Variants in PPM1H observed in about 807,000 individuals in gnomAD.
PPM1H encodes protein phosphatase 1H.
PPM1H carries 27 observed loss-of-function variants against 54.9 expected under a neutral mutation model. The ratio of observed to expected loss-of-function variants is 0.49; its 90% CI spans 0.36 to 0.68. The LOEUF is 0.68. Ranked by LOEUF, PPM1H falls within the 30% of genes least tolerant of loss-of-function variation. The pLI, the probability that PPM1H is intolerant of heterozygous loss-of-function variation, is 0.00. For missense variants in PPM1H, 596 were observed against 667.8 expected, an observed-to-expected ratio of 0.89 and a Z score of 1.19; for synonymous variants, 305 against 270.8, an observed-to-expected ratio of 1.13 and a Z score of -1.24.
At chr12:62,867,193 T>C (rs957873822) in intron 1 of PPM1H, among the ~76,000 whole-genome samples, 1 of 152,162 alleles carries the variant, frequency 6.6e-6, no homozygotes, top group South Asian at 2.1e-4. Flanking sequence ...AGCATTAAAT[T>C]TGGCTGACAC....
At chr12:62,846,089 C>T (rs1466320806) in intron 1 of PPM1H, among the ~76,000 whole-genome samples, 2 of 152,190 alleles carry the variant, frequency 1.3e-5, no homozygotes, top group Non-Finnish European at 2.9e-5. Flanking sequence ...CCTGTCGTCT[C>T]TTCTTAGTAA....
chr12:62,839,883 A>AC (rs1565805554), intron 1 of PPM1H, among the ~76,000 whole-genome samples: 3 of 151,300 alleles, frequency 2.0e-5, no homozygotes, highest in African/African-American at 7.3e-5. Context: ...ACAAAAAAAA[A>AC]AAAAAAACAC....
Position 62,859,641 on chromosome 12 carries a change from TGCAAAGCC to T in PPM1H, c.246-27370_246-27363del, listed in dbSNP as rs1438799261. Among the ~76,000 whole-genome samples the T allele has an allele frequency of 2.0e-5, 3 of 152,330 alleles. No homozygotes were observed. The East Asian group carries it at 5.8e-4, about 29-fold the overall frequency. ...TATTGTCTTATGGAACAATCACATATGCAAAGCCTTCAAGGCTTTGCATTCAAAAATGT... is the reference window on the plus strand; with the variant it reads ...TATTGTCTTATGGAACAATCACATATTTCAAGGCTTTGCATTCAAAAATGT... On this transcript the variant is annotated intron_variant, in intron 1 of 9. Transcript: ENST00000228705.
At position 62,693,440 on chromosome 12, in the gene PPM1H, C is replaced by T. The variant is rs567616481; in HGVS notation, c.1137+496G>A. On this transcript the variant is annotated intron_variant, in intron 7 of 9. Transcript: ENST00000228705. ...AAACAGACTTGCAAAGTCTGGACTT[C>T]CATGGTGGAGTCTGAGACGCGCGAA... Among the ~76,000 whole-genome samples, 297 of 152,296 alleles carry T rather than the reference C, an allele frequency of 2.0e-3. 4 individuals are homozygous for T. The highest frequency in any genetic ancestry group is 1.8e-3 in the Non-Finnish European group (123 of 68,032).
chr12:62,927,022 C>T (rs901091975), intron 1 of PPM1H, among the ~76,000 whole-genome samples: 2 of 152,210 alleles, frequency 1.3e-5, no homozygotes, highest in Non-Finnish European at 2.9e-5. Context: ...TAAGTATATA[C>T]ATCTGTTTAT....
rs531221940 is a variant in PPM1H at position 62,675,656 on chromosome 12, A to G, written c.1246-8327T>C. Among the ~76,000 whole-genome samples, 6 of 152,316 alleles carry G rather than the reference A, an allele frequency of 3.9e-5. No individual in the cohort carries two copies. The South Asian group carries it at 6.2e-4, about 16-fold the overall frequency. ...TTGCGCCTGTTTTTCCAGCATAATT[A>G]TTAATAGTGTCCCCTTTGATTCTTG... On this transcript the variant is annotated intron_variant, in intron 8 of 9. Coordinates refer to ENST00000228705, the MANE Select transcript of PPM1H (RefSeq NM_020700.2).
At chr12:62,687,761 C>T (rs1044606620) in intron 8 of PPM1H, among the ~76,000 whole-genome samples, 5 of 152,138 alleles carry the variant, frequency 3.3e-5, no homozygotes, top group Non-Finnish European at 7.4e-5. Flanking sequence ...GCAATCCCAG[C>T]ACTTTGGGAG....
At chr12:62,666,028 T>TA (rs1565749559) in intron 9 of PPM1H, among the ~76,000 whole-genome samples, 4 of 151,496 alleles carry the variant, frequency 2.6e-5, no homozygotes, top group Admixed American at 6.6e-5. Flanking sequence ...CATGCTTGGC[T>TA]AAAAAAAAAT....
intron 1 of PPM1H, among the ~76,000 whole-genome samples, chr12:62,905,980 A>G (rs770594635): frequency 6.6e-6 from 1 of 152,222 alleles, no homozygotes; most frequent in Non-Finnish European, 1.5e-5. Flanking sequence ...CCATGCTTCA[A>G]AAAAACTAGA....
chr12:62,822,035 G>A (rs56317490), intron 2 of PPM1H, among the ~76,000 whole-genome samples: 1 of 152,102 alleles, frequency 6.6e-6, no homozygotes, highest in Non-Finnish European at 1.5e-5. Flanking sequence ...GACATACATA[G>A]GCTCAAAATA....
At position 62,752,002 on chromosome 12, in the gene PPM1H, G is replaced by T. The variant is rs114973772; in HGVS notation, c.870-14416C>A. 2.9e-3 allele frequency among the ~76,000 whole-genome samples: 438 copies of T among 152,306 alleles called. 3 individuals carry two copies. The highest frequency in any genetic ancestry group is 9.9e-3 in the African/African-American group (413 of 41,568). On this transcript the variant is annotated intron_variant, in intron 4 of 9. Coordinates refer to ENST00000228705, the MANE Select transcript of PPM1H (RefSeq NM_020700.2). ...TCAGTTCCTTACAAGCAAAGGCCTGGGAAGCCCATCTCTCATTCGTTGAAC... is the reference window on the plus strand; with the variant it reads ...TCAGTTCCTTACAAGCAAAGGCCTGTGAAGCCCATCTCTCATTCGTTGAAC...
At chr12:62,735,456 G>A (rs143414641) in intron 5 of PPM1H, among the ~76,000 whole-genome samples, 3 of 152,080 alleles carry the variant, frequency 2.0e-5, no homozygotes, top group Non-Finnish European at 4.4e-5. Context: ...GGGCTCAAGC[G>A]ATCCTCCCAC....
intron 6 of PPM1H, among the ~76,000 whole-genome samples, chr12:62,696,322 T>C (rs2076114751): frequency 6.6e-6 from 1 of 152,206 alleles, no homozygotes; most frequent in South Asian, 2.1e-4. Context: ...TGTTAGCTTC[T>C]GCTTATCTTC....
intron 5 of PPM1H, among the ~76,000 whole-genome samples, chr12:62,735,648 G>T (rs7309308): frequency 0.021 from 3,145 of 152,296 alleles, 134 homozygotes; most frequent in African/African-American, 0.071. Context: ...AGTCTGAAGA[G>T]GGGGAGAGAC....
chr12:62,819,847 C>T (rs1425429493), intron 2 of PPM1H, among the ~76,000 whole-genome samples: 2 of 152,190 alleles, frequency 1.3e-5, no homozygotes, highest in East Asian at 3.9e-4. Context: ...GTGTGCAGCT[C>T]CCAGTGGGAT....
At chr12:62,687,625 T>G (rs985283138) in intron 8 of PPM1H, among the ~76,000 whole-genome samples, 10 of 152,090 alleles carry the variant, frequency 6.6e-5, no homozygotes, top group Admixed American at 5.2e-4. Context: ...AAATAGTCTT[T>G]GTTAAAACAG....
intron 1 of PPM1H, among the ~76,000 whole-genome samples, chr12:62,845,173 C>T (rs1479206378): frequency 6.6e-6 from 1 of 152,226 alleles, no homozygotes; most frequent in Non-Finnish European, 1.5e-5. Flanking sequence ...TAAACAGGAC[C>T]TGGAAGTAGC....
chr12:62,754,145 G>A (rs2076456691), intron 4 of PPM1H, among the ~76,000 whole-genome samples: 1 of 152,302 alleles, frequency 6.6e-6, no homozygotes, highest in Non-Finnish European at 1.5e-5. Flanking sequence ...TTAGGGATCT[G>A]GAAGGAAGGG....
At chr12:62,657,171 G>A (rs1477986593) in intron 9 of PPM1H, among the ~76,000 whole-genome samples, 1 of 152,130 alleles carries the variant, frequency 6.6e-6, no homozygotes, top group Non-Finnish European at 1.5e-5. Context: ...CAGACTGGAG[G>A]GAGTTCCCCA....
Sources: gnomAD v4.1 joint callset for allele counts (sites outside exome capture counted in the v4.1 genomes callset) on GRCh38, gnomAD v4.1.1 for gene constraint, MANE v1.5 for transcripts, NCBI Gene and HGNC (gene_info 2026-07-23, HGNC 2026-07-21) for gene names.